Variants in RAC1 observed in about 807,000 individuals in gnomAD.
RAC1 encodes the protein Rac family small GTPase 1, also known as ras-related C3 botulinum toxin substrate 1.
Under a neutral mutation model 25.2 loss-of-function variants are expected in RAC1, and 2 were observed. The ratio of observed to expected loss-of-function variants is 0.08; its 90% CI spans 0.03 to 0.25. The LOEUF is 0.25. Among genes scored for constraint, RAC1 ranks in the 10% least tolerant of loss-of-function variants. The pLI is 1.00. For synonymous variants in RAC1, 88 were observed against 94.0 expected (o/e 0.94, Z 0.37); for missense variants, 50 against 235.7 (o/e 0.21, Z 5.16).
intron 3 of RAC1, among the ~76,000 whole-genome samples, chr7:6,394,308 C>G (rs911876845): frequency 6.6e-6 from 1 of 152,174 alleles, no homozygotes; most frequent in African/African-American, 2.4e-5. Context: ...GTTGAAATTG[C>G]CCTTCAGGTT....
rs2115177042 is a variant in RAC1 at position 6,374,677 on chromosome 7, C to T, written c.-59C>T. ...GCGCGCCCGTCCGCCGCGCCCCGAG[C>T]CCGCCGCTTCCTATCTCAGCGCCCT... On this transcript the variant is annotated 5_prime_UTR_variant, in exon 1 of 6. Transcript: ENST00000348035. 12 of 1,051,240 alleles carry T rather than the reference C, an allele frequency of 1.1e-5. No homozygotes were observed. Among genetic ancestry groups the T allele is most frequent in the Non-Finnish European group, 1.4e-5 (12 of 871,650 alleles). The allele number at this position is 1,051,240 out of a possible 1,614,324, so 65.1% of individuals were successfully genotyped here.
chr7:6,389,590 G>A (rs1404728121), intron 2 of RAC1, among the ~76,000 whole-genome samples: 5 of 151,978 alleles, frequency 3.3e-5, no homozygotes, highest in Admixed American at 1.3e-4. Context: ...TGAGGCAGGA[G>A]GATTGCTTGA....
chr7:6,387,169 A>G (rs1010631902), intron 1 of RAC1, 43 bp from the exon 2 acceptor site: 1 of 1,220,102 alleles, frequency 8.2e-7, no homozygotes, highest in Non-Finnish European at 1.2e-6. Flanking sequence ...AGCTAAGATT[A>G]CATTCATGTT....
chr7:6,398,492 A>G (rs937133710), intron 3 of RAC1, among the ~76,000 whole-genome samples: 1 of 152,138 alleles, frequency 6.6e-6, no homozygotes, highest in Admixed American at 6.5e-5. Context: ...GGTAGCGTGG[A>G]GTGTTTCAGT....
At chr7:6,400,031 T>A in intron 3 of RAC1, 95 bp from the exon 4 acceptor site, 1 of 1,117,028 alleles carries the variant, frequency 9.0e-7, no homozygotes, top group Non-Finnish European at 1.4e-6. Context: ...ACGCTCTGCG[T>A]CCAACAAGTC....
chr7:6,380,330 A>G (rs1782729252), intron 1 of RAC1, among the ~76,000 whole-genome samples: 1 of 151,954 alleles, frequency 6.6e-6, no homozygotes, highest in Non-Finnish European at 1.5e-5. Flanking sequence ...TGATGATTTT[A>G]TACATAATGT....
At chr7:6,379,035 G>C (rs1218712417) in intron 1 of RAC1, among the ~76,000 whole-genome samples, 1 of 152,070 alleles carries the variant, frequency 6.6e-6, no homozygotes, top group African/African-American at 2.4e-5. Context: ...AAGTTGCAGT[G>C]AGCCAATATC....
chr7:6,390,204 C>T (rs917146330), intron 2 of RAC1, among the ~76,000 whole-genome samples: 53 of 149,114 alleles, frequency 3.6e-4, no homozygotes, highest in Non-Finnish European at 2.4e-4. Flanking sequence ...CTCCACTGCA[C>T]GTAGCCTGAT....
At chr7:6,382,914 A>T (rs766101526) in intron 1 of RAC1, among the ~76,000 whole-genome samples, 4 of 152,216 alleles carry the variant, frequency 2.6e-5, no homozygotes, top group Non-Finnish European at 4.4e-5. Context: ...TAATAGCAAC[A>T]TAAGTTATTT....
At chr7:6,383,283 C>G (rs113713304) in intron 1 of RAC1, among the ~76,000 whole-genome samples, 1 of 152,136 alleles carries the variant, frequency 6.6e-6, no homozygotes, top group Non-Finnish European at 1.5e-5. Flanking sequence ...GGAAGCGCAG[C>G]GTGGACAAGG....
At chr7:6,395,594 G>GT (rs199546140) in intron 3 of RAC1, among the ~76,000 whole-genome samples, 7 of 152,104 alleles carry the variant, frequency 4.6e-5, no homozygotes, top group East Asian at 3.9e-4. Context: ...ATTATGAGTT[G>GT]TTTTTTTTAA....
chr7:6,383,656 A>C (rs1237401250), intron 1 of RAC1, among the ~76,000 whole-genome samples: 1 of 152,132 alleles, frequency 6.6e-6, no homozygotes, highest in South Asian at 2.1e-4. Context: ...CCTCATATAC[A>C]TAGAGACTTA....
At chr7:6,394,126 C>T (rs1583266868) in intron 3 of RAC1, among the ~76,000 whole-genome samples, 1 of 152,084 alleles carries the variant, frequency 6.6e-6, no homozygotes, top group South Asian at 2.1e-4. Context: ...TCCTGAAGGA[C>T]CAGTTGGAAG....
chr7:6,401,774 G>T, intron 4 of RAC1, 94 bp from the exon 5 acceptor site: 1 of 1,370,432 alleles, frequency 7.3e-7, no homozygotes, highest in Non-Finnish European at 1.0e-6. Context: ...CTGAGGTTAG[G>T]TGTCTGGCAT....
Position 6,403,144 on chromosome 7 carries a change from T to A in RAC1, c.*698T>A, listed in dbSNP as rs1407506599. On this transcript the variant is annotated 3_prime_UTR_variant, in exon 6 of 6. Transcript: ENST00000348035. ...GTGGGTGTGCCGGGTGGGGTGTGTG[T>A]GATCAAAGGACAAAGACAGTATTTT... 3 of 216,764 alleles carry A rather than the reference T, an allele frequency of 1.4e-5. No homozygotes were observed. The highest frequency in any genetic ancestry group is 2.8e-5 in the Non-Finnish European group (3 of 107,544). The allele number at this position is 216,764 out of a possible 1,614,324, so 13.4% of individuals were successfully genotyped here.
intron 1 of RAC1, among the ~76,000 whole-genome samples, chr7:6,375,005 C>G (rs1206415854): frequency 6.6e-6 from 1 of 151,934 alleles, no homozygotes; most frequent in African/African-American, 2.4e-5. Context: ...CGCTCGCCGG[C>G]TAGAGGGAAA....
chr7:6,402,303 G>C lies in RAC1; in HGVS notation c.449-13G>C, dbSNP rs530476225. On this transcript the variant is annotated splice_polypyrimidine_tract_variant and intron_variant, in intron 5 of 5. Coordinates refer to ENST00000348035, the MANE Select transcript of RAC1 (RefSeq NM_006908.5). Reference sequence around the variant, plus strand: ...GTCGAGTGTACATTGCCGTGTGGTCGTGTTTCCTGTAGGTGCTGTAAAATA... The same window carrying C: ...GTCGAGTGTACATTGCCGTGTGGTCCTGTTTCCTGTAGGTGCTGTAAAATA... 1.3e-6 allele frequency: 2 copies of C among 1,598,246 alleles called. No homozygotes were observed. The highest frequency in any genetic ancestry group is 1.8e-5 in the Admixed American group (1 of 56,834).
chr7:6,390,719 T>A (rs550389509), intron 2 of RAC1, among the ~76,000 whole-genome samples: 1 of 152,308 alleles, frequency 6.6e-6, no homozygotes, highest in Non-Finnish European at 1.5e-5. Context: ...TTTCTAGGAT[T>A]TTTGTGGCTA....
At chr7:6,393,914 C>G (rs1195098822) in intron 3 of RAC1, among the ~76,000 whole-genome samples, 1 of 152,180 alleles carries the variant, frequency 6.6e-6, no homozygotes, top group South Asian at 2.1e-4. Flanking sequence ...TGCTCAGATA[C>G]CAGTGTCTGG....
Sources: gnomAD v4.1 joint callset for allele counts (sites outside exome capture counted in the v4.1 genomes callset) on GRCh38, gnomAD v4.1.1 for gene constraint, MANE v1.5 for transcripts, NCBI Gene and HGNC (gene_info 2026-07-23, HGNC 2026-07-21) for gene names.